Variants in XRCC4 observed in about 807,000 individuals in gnomAD.
XRCC4 encodes X-ray repair cross complementing 4.
XRCC4 carries 28 observed loss-of-function variants against 39.1 expected under a neutral mutation model. The observed-to-expected ratio is 0.72, with a 90% CI of 0.53 to 0.98. XRCC4 has a LOEUF of 0.98. Among genes scored for constraint, XRCC4 ranks in the 50% least tolerant of loss-of-function variants. XRCC4 has a pLI of 0.00. For missense variants in XRCC4, 350 were observed against 376.4 expected, an observed-to-expected ratio of 0.93 and a Z score of 0.58; for synonymous variants, 123 against 126.4, an observed-to-expected ratio of 0.97 and a Z score of 0.18.
the XRCC4 span, among the ~76,000 whole-genome samples, chr5:83,365,082 C>T: frequency 0.15 from 22,084 of 152,116 alleles, 2,836 homozygotes; most frequent in African/African-American, 0.35. Flanking sequence ...AGCATTACAG[C>T]TCCTGAGAGT....
chr5:83,200,823 T>G (rs1751157311), intron 4 of XRCC4, among the ~76,000 whole-genome samples: 8 of 152,192 alleles, frequency 5.3e-5, no homozygotes, highest in Admixed American at 5.2e-4. Flanking sequence ...ATATGTATGT[T>G]TTAAAGTTTT....
chr5:83,238,729 A>G (rs969902558), intron 6 of XRCC4, among the ~76,000 whole-genome samples: 2 of 152,112 alleles, frequency 1.3e-5, no homozygotes, highest in Non-Finnish European at 2.9e-5. Flanking sequence ...TTTATTTTTC[A>G]TAAAAGAAGT....
At chr5:83,092,377 C>T (rs189927131) in intron 1 of XRCC4, among the ~76,000 whole-genome samples, 166 of 152,214 alleles carry the variant, frequency 1.1e-3, no homozygotes, top group African/African-American at 3.9e-3. Flanking sequence ...TCTCATTTGT[C>T]TATCTTTGCT....
rs200420140 is a variant in XRCC4, at chr5:83,159,796, T to TA, written c.316-35973dup. ...TTTACATTTGTAAAAGGCTCAAACTTAGACACTTTGGTGTTATTTCCAAAT... is the reference window on the plus strand; with the variant it reads ...TTTACATTTGTAAAAGGCTCAAACTTAAGACACTTTGGTGTTATTTCCAAAT... On this transcript the variant is annotated intron_variant, in intron 3 of 7. Coordinates refer to ENST00000396027, the MANE Select transcript of XRCC4 (RefSeq NM_003401.5). 3.0e-3 allele frequency among the ~76,000 whole-genome samples: 458 copies of TA among 152,294 alleles called. 2 individuals carry two copies. Among genetic ancestry groups the TA allele is most frequent in the African/African-American group, 0.01 (433 of 41,562 alleles).
At chr5:83,099,615 G>A (rs1242308686) in intron 1 of XRCC4, among the ~76,000 whole-genome samples, 1 of 152,120 alleles carries the variant, frequency 6.6e-6, no homozygotes, top group African/African-American at 2.4e-5. Context: ...CTAAAGATAA[G>A]CTTCTCAATT....
At chr5:83,304,509 G>A (rs1203389769) in intron 7 of XRCC4, among the ~76,000 whole-genome samples, 2 of 152,016 alleles carry the variant, frequency 1.3e-5, no homozygotes, top group Non-Finnish European at 2.9e-5. Flanking sequence ...TCATCTATTG[G>A]TTACTACAAA....
At chr5:83,210,863 C>T (rs779885091) in intron 6 of XRCC4, among the ~76,000 whole-genome samples, 2 of 152,182 alleles carry the variant, frequency 1.3e-5, no homozygotes, top group Non-Finnish European at 2.9e-5. Flanking sequence ...CACCTGAGAA[C>T]TCTCAAATGT....
At chr5:83,141,159 A>G (rs1748153523) in intron 3 of XRCC4, among the ~76,000 whole-genome samples, 1 of 152,224 alleles carries the variant, frequency 6.6e-6, no homozygotes, top group South Asian at 2.1e-4. Context: ...TTTTGTGTGT[A>G]CAAGTACATA....
rs749686700 is a variant in XRCC4 at position 83,204,931 on chromosome 5, A to G, written c.745+10A>G. On this transcript the variant is annotated intron_variant, in intron 6 of 7. Transcript: ENST00000396027. Reference sequence around the variant, plus strand: ...TCTGGGTTGGCTTCAGGTAAGAGATACATACATTTATCTCCTCTGTTGAAT... The same window carrying G: ...TCTGGGTTGGCTTCAGGTAAGAGATGCATACATTTATCTCCTCTGTTGAAT... 2.2e-5 allele frequency: 34 copies of G among 1,566,232 alleles called. 1 individual carries two copies. The Middle Eastern group carries it at 5.0e-4, about 23-fold the overall frequency.
intron 7 of XRCC4, among the ~76,000 whole-genome samples, chr5:83,339,434 T>C (rs568524907): frequency 6.8e-6 from 1 of 147,764 alleles, no homozygotes; most frequent in Non-Finnish European, 1.5e-5. Flanking sequence ...TGGGAACACA[T>C]GGACGCAGGG....
At chr5:83,220,496 G>C (rs6872787) in intron 6 of XRCC4, among the ~76,000 whole-genome samples, 40,743 of 151,918 alleles carry the variant, frequency 0.27, 9,787 homozygotes, top group East Asian at 0.65. Context: ...TGTTGCCAGC[G>C]CATCAGCACT....
intron 6 of XRCC4, among the ~76,000 whole-genome samples, chr5:83,210,414 T>C (rs918121316): frequency 2.0e-5 from 3 of 152,214 alleles, no homozygotes; most frequent in Non-Finnish European, 4.4e-5. Flanking sequence ...TTATATGCTT[T>C]GGAAATCTAG....
chr5:83,195,923 G>A lies in XRCC4; in HGVS notation c.469G>A (p.Asp157Asn). The change falls in exon 4 of 8, where the codon GAT becomes AAT. Residue 157 changes from aspartate (D) to asparagine (N), a missense_variant. Transcript: ENST00000396027. The stretch of plus-strand genomic sequence containing the variant: ...TGAAAGGCTTCTGAGAGATTGGAAT[G>A]ATGTTCAAGGACGGTGTGTACACAG... ...ENERLLRDWN[D>N]VQGRFEKCVS... is the part of the protein sequence containing the mutation. 1 of 1,609,164 alleles carries A rather than the reference G, an allele frequency of 6.2e-7. No individual in the cohort carries two copies. The highest frequency in any genetic ancestry group is 8.5e-7 in the Non-Finnish European group (1 of 1,177,550).
At chr5:83,213,751 A>G (rs1260051102) in intron 6 of XRCC4, among the ~76,000 whole-genome samples, 2 of 152,186 alleles carry the variant, frequency 1.3e-5, no homozygotes, top group African/African-American at 4.8e-5. Flanking sequence ...CAGACAAGAC[A>G]TTGCAAGAAA....
chr5:83,302,257 C>CAAA (rs778098766), intron 7 of XRCC4, among the ~76,000 whole-genome samples: 34 of 134,184 alleles, frequency 2.5e-4, no homozygotes, highest in African/African-American at 9.1e-4. Flanking sequence ...AATGGGGTAC[C>CAAA]AAAAAAAAAA....
chr5:83,168,345 T>C (rs142125609), intron 3 of XRCC4, among the ~76,000 whole-genome samples: 2,274 of 152,266 alleles, frequency 0.015, 73 homozygotes, highest in African/African-American at 0.052. Flanking sequence ...GAATGTGTAT[T>C]CACCTTACAA....
At chr5:83,177,777 A>G (rs935399158) in intron 3 of XRCC4, among the ~76,000 whole-genome samples, 1 of 152,170 alleles carries the variant, frequency 6.6e-6, no homozygotes, top group Non-Finnish European at 1.5e-5. Flanking sequence ...GGTAGTTGTG[A>G]GAGATAAAGC....
chr5:83,203,419 C>T lies in XRCC4; in HGVS notation c.483-133C>T, dbSNP rs56253920. On this transcript the variant is annotated intron_variant, in intron 4 of 7. Coordinates refer to ENST00000396027, the MANE Select transcript of XRCC4 (RefSeq NM_003401.5). ...TATTTAACCATCTTTATAAAACTTCCAAGTCAGTGAAAGCATATGTGAAAA... is the reference window on the plus strand; with the variant it reads ...TATTTAACCATCTTTATAAAACTTCTAAGTCAGTGAAAGCATATGTGAAAA... 800 of 688,596 alleles carry T rather than the reference C, an allele frequency of 1.2e-3. 7 individuals are homozygous for T. The African/African-American group carries it at 0.014, about 12-fold the overall frequency. The allele number at this position is 688,596 out of a possible 1,614,324, so 42.7% of individuals were successfully genotyped here. A position where few individuals can be genotyped will look rare whatever the true frequency, so the allele number is the denominator to read the frequency against.
At chr5:83,091,626 G>A (rs1024035019) in intron 1 of XRCC4, among the ~76,000 whole-genome samples, 1 of 152,160 alleles carries the variant, frequency 6.6e-6, no homozygotes, top group Non-Finnish European at 1.5e-5. Flanking sequence ...TTGTCTTTCT[G>A]TGCCTTGCCT....
Sources: allele counts gnomAD v4.1 joint callset (sites outside exome capture counted in the v4.1 genomes callset), GRCh38; gene constraint gnomAD v4.1.1; transcripts MANE v1.5; gene names NCBI Gene and HGNC (gene_info 2026-07-23, HGNC 2026-07-21).